The following NEB variants were observed in gnomAD, a reference collection of about 807,000 sequenced individuals.
NEB encodes nemaline myopathy type 2.
A neutral mutation model predicts 952.2 loss-of-function variants in NEB; 512 were observed. The observed-to-expected ratio is 0.54, with a 90% CI of 0.50 to 0.58. NEB has a LOEUF of 0.58. Ranked by LOEUF, NEB falls within the 20% of genes least tolerant of loss-of-function variation. The pLI is 0.00. For missense variants in NEB, 8,428 were observed against 9,231.1 expected, an observed-to-expected ratio of 0.91 and a Z score of 3.56; for synonymous variants, 2,900 against 3,149.8, an observed-to-expected ratio of 0.92 and a Z score of 2.66.
rs759045526 is a variant in NEB, at chr2:151,620,935, CGA to C, written c.10542_10543del (p.Arg3515GlyfsTer5). On this transcript the variant is annotated frameshift_variant, in exon 72 of 182. Transcript: ENST00000397345. LOFTEE classifies it high-confidence loss of function. ...AGCTCTTACATCACTGGCAATATCC[CGA>C]GAGGCCTTGGCAGCCACAATGGGAA... 1 of 1,611,636 alleles carries C rather than the reference CGA, an allele frequency of 6.2e-7. No homozygotes were observed. Among genetic ancestry groups the C allele is most frequent in the Non-Finnish European group, 8.5e-7 (1 of 1,178,842 alleles).
chr2:151,527,433 C>T, intron 147 of NEB, 48 bp downstream of exon 147: 1 of 1,292,760 alleles, frequency 7.7e-7, no homozygotes, highest in Non-Finnish European at 1.1e-6. Flanking sequence ...CATTGTATTT[C>T]TCAGGTGCAG....
Position 151,552,705 on chromosome 2 carries a change from C to A in NEB, c.19803G>T (p.Val6601=), listed in dbSNP as rs374957115. ...YKLVTDTPVY[V]QAVKSGKQLS... ...GCTGTTTCCCACTTTTGACAGCCTGCACGTAGACTGGTGTATCTGTGACAA... is the reference window on the plus strand; with the variant it reads ...GCTGTTTCCCACTTTTGACAGCCTGAACGTAGACTGGTGTATCTGTGACAA... The change falls in exon 128 of 182, where the codon GTG becomes GTT. Residue 6601 remains valine (V), a synonymous_variant. Coordinates refer to ENST00000397345, the MANE Select transcript of NEB (RefSeq NM_001164508.2). The A allele has an allele frequency of 6.2e-7, 1 of 1,613,326 alleles. No individual in the cohort carries two copies. Among genetic ancestry groups the A allele is most frequent in the Middle Eastern group, 1.7e-4 (1 of 6,052 alleles).
chr2:151,506,806 G>T, intron 163 of NEB, 103 bp downstream of exon 163: 2 of 767,510 alleles, frequency 2.6e-6, no homozygotes, highest in Non-Finnish European at 2.2e-6. Context: ...TACTGAGGAG[G>T]TTAGATGTTA....
At chr2:151,497,808 C>A in intron 170 of NEB, 90 bp from the exon 171 acceptor site, 2 of 1,536,740 alleles carry the variant, frequency 1.3e-6, no homozygotes, top group Non-Finnish European at 1.7e-6. Flanking sequence ...ACACAGTCAT[C>A]CAAGGAGCCA....
chr2:151,537,393 C>T (rs1374114433), intron 140 of NEB, among the ~76,000 whole-genome samples, 157 bp from the exon 141 acceptor site: 1 of 152,150 alleles, frequency 6.6e-6, no homozygotes, highest in Non-Finnish European at 1.5e-5. Flanking sequence ...TTCAGTAATA[C>T]TGACCTTTGG....
intron 4 of NEB, among the ~76,000 whole-genome samples, chr2:151,729,049 G>A (rs1196447756): frequency 1.4e-5 from 2 of 139,176 alleles, no homozygotes; most frequent in African/African-American, 5.0e-5. Context: ...AATAAAGCAT[G>A]AGAGAGGTAT....
Position 151,506,243 on chromosome 2 carries a change from C to T in NEB, c.23572G>A (p.Asp7858Asn). 6.2e-7 allele frequency: 1 copy of T among 1,612,954 alleles called. No individual in the cohort carries two copies. The highest frequency in any genetic ancestry group is 8.5e-7 in the Non-Finnish European group (1 of 1,178,960). Residue 7858 changes from aspartate to asparagine, a missense_variant, in exon 164 of 182, where the codon GAT (aspartate) becomes AAT (asparagine). Around this residue, in one of 11 missense-constraint regions of NEB, gnomAD observed 3,374 missense variants for 3,651.5 expected, o/e 0.92. Coordinates refer to ENST00000397345, the MANE Select transcript of NEB (RefSeq NM_001164508.2). ...KNFSSVLYKE[D>N]VSPGTAIGKT... ...CCGATAGCCGTTCCTGGTGAGACATCCTCTTTATATAAAACCTGGGCATTC... is the reference window on the plus strand; with the variant it reads ...CCGATAGCCGTTCCTGGTGAGACATTCTCTTTATATAAAACCTGGGCATTC...
chr2:151,493,529 T>C, intron 175 of NEB, 84 bp from the exon 176 acceptor site: 1 of 882,188 alleles, frequency 1.1e-6, no homozygotes, highest in Non-Finnish European at 1.7e-6. Context: ...TTATGGCTCA[T>C]GTTATGGCTC....
At chr2:151,512,645 A>G in intron 161 of NEB, 88 bp downstream of exon 161, 2 of 975,432 alleles carry the variant, frequency 2.1e-6, no homozygotes. Flanking sequence ...AACTGATCTG[A>G]AGAATCTCTT....
chr2:151,648,859 G>A (rs1271231994), intron 54 of NEB, among the ~76,000 whole-genome samples: 1 of 152,166 alleles, frequency 6.6e-6, no homozygotes, highest in African/African-American at 2.4e-5. Flanking sequence ...ATTTACACTG[G>A]GATAGGTGTA....
rs547143001 is a variant in NEB at position 151,691,925 on chromosome 2, T to C, written c.2150A>G (p.Tyr717Cys). Reference sequence around the variant, plus strand: ...TTCTTGTGTTATTGTCTGAGGGAAATAGCATTTTCCTTTATCTTCTTCATA... The same window carrying C: ...TTCTTGTGTTATTGTCTGAGGGAAACAGCATTTTCCTTTATCTTCTTCATA... ...AEYEEDKGKC[Y>C]FPQTITQEYE... Residue 717 changes from tyrosine to cysteine, a missense_variant, in exon 23 of 182, where the codon TAT becomes TGT. Physicochemically the swap from Tyr to Cys is radical, Grantham distance 194. Coordinates refer to ENST00000397345, the MANE Select transcript of NEB (RefSeq NM_001164508.2). The C allele has an allele frequency of 2.5e-5, 40 of 1,609,308 alleles. No homozygotes were observed. The East Asian group carries it at 3.1e-4, about 13-fold the overall frequency.
chr2:151,547,499 C>A lies in NEB; in HGVS notation c.20297G>T (p.Gly6766Val). ...TGTGTATGGCAGAGAGATCATGTGGCCCTGCATCTTGAAGAAGTCTGATTT... is the reference window on the plus strand; with the variant it reads ...TGTGTATGGCAGAGAGATCATGTGGACCTGCATCTTGAAGAAGTCTGATTT... ...IYKSDFFKMQ[G>V]HMISLPYTPQ... Residue 6766 changes from glycine to valine, a missense_variant, in exon 133 of 182, where the codon GGC becomes GTC. By Grantham distance (109) the Gly-to-Val change is moderately radical. Coordinates refer to ENST00000397345, the MANE Select transcript of NEB (RefSeq NM_001164508.2). 1 of 1,606,914 alleles carries A rather than the reference C, an allele frequency of 6.2e-7. No individual in the cohort carries two copies. The highest frequency in any genetic ancestry group is 8.5e-7 in the Non-Finnish European group (1 of 1,176,804).
In NEB at chr2:151,656,357, T is replaced by A. The variant is rs753864118; in HGVS notation, c.6291A>T (p.Gln2097His). The change falls in exon 49 of 182, where the codon CAA becomes CAT. Residue 2097 changes from glutamine (Q) to histidine (H), a missense_variant. By Grantham distance (24) the Gln-to-His change is conservative. Coordinates refer to ENST00000397345, the MANE Select transcript of NEB (RefSeq NM_001164508.2). Reference sequence around the variant, plus strand: ...AGTTTTTCTTGTACTCCCGATCAGATTGCATCTTAGCCACTTGCATGGAAT... The same window carrying A: ...AGTTTTTCTTGTACTCCCGATCAGAATGCATCTTAGCCACTTGCATGGAAT... ...LVHSMQVAKM[Q>H]SDREYKKNYE... is the part of the protein sequence containing the mutation. 1.2e-6 allele frequency: 2 copies of A among 1,613,546 alleles called. No homozygotes were observed. Among genetic ancestry groups the A allele is most frequent in the African/African-American group, 2.7e-5 (2 of 74,870 alleles).
intron 169 of NEB, among the ~76,000 whole-genome samples, chr2:151,498,962 G>GATA (rs1188124870): frequency 2.0e-5 from 3 of 152,034 alleles, no homozygotes; most frequent in Non-Finnish European, 2.9e-5. Flanking sequence ...AAGAAACGAG[G>GATA]ATAATAGTCG....
chr2:151,523,647 G>A (rs1289545672), intron 153 of NEB, among the ~76,000 whole-genome samples: 2 of 152,166 alleles, frequency 1.3e-5, no homozygotes, highest in African/African-American at 4.8e-5. Context: ...TTAGATAATT[G>A]GCCTAACAAG....
At chr2:151,489,876 GGTTAAAAAAAACC>G in intron 181 of NEB, 82 bp downstream of exon 181, 1 of 853,584 alleles carries the variant, frequency 1.2e-6, no homozygotes. Flanking sequence ...TAGAAGGTTT[GGTTAAAAAAAACC>G]GTAATACCTA....
At chr2:151,533,727 G>A (rs1175687803) in intron 142 of NEB, among the ~76,000 whole-genome samples, 181 bp from the exon 143 acceptor site, 1 of 152,216 alleles carries the variant, frequency 6.6e-6, no homozygotes, top group Admixed American at 6.5e-5. Flanking sequence ...TGCAATGCTT[G>A]CGGTTGGCCA....
Position 151,640,467 on chromosome 2 carries a change from C to T in NEB, c.8573G>A (p.Cys2858Tyr). ...DMLGVVLAKK[C>Y]QTLVSDVDYK... is the part of the protein sequence containing the mutation. ...GTCCACATCGCTGACTAAGGTCTGG[C>T]ACTTCTTGGCCAGCACCACCCCCAG... Residue 2858 changes from cysteine (C) to tyrosine (Y), a missense_variant, in exon 61 of 182, where the codon TGC becomes TAC. Cys to Tyr is a radical substitution (Grantham distance 194). Coordinates refer to ENST00000397345, the MANE Select transcript of NEB (RefSeq NM_001164508.2). The T allele has an allele frequency of 6.2e-7, 1 of 1,613,952 alleles. No individual in the cohort carries two copies.
intron 153 of NEB, 144 bp from the exon 154 acceptor site, chr2:151,519,912 G>C (rs1267179454): frequency 3.6e-6 from 2 of 560,068 alleles, no homozygotes; most frequent in African/African-American, 3.8e-5. Context: ...GACATTTAGA[G>C]TAAAGAAGAC....
Sources: allele counts gnomAD v4.1 joint callset (sites outside exome capture counted in the v4.1 genomes callset), GRCh38; gene constraint gnomAD v4.1.1; regional missense constraint gnomAD v4.1.1; transcripts MANE v1.5; gene names NCBI Gene and HGNC (gene_info 2026-07-23, HGNC 2026-07-21).